NDST4: variants seen among roughly 807,000 people sequenced by gnomAD.
The protein encoded by NDST4 is N-deacetylase and N-sulfotransferase 4, also known as N-heparan sulfate sulfotransferase 4.
A neutral mutation model predicts 100.8 loss-of-function variants in NDST4; 63 were observed. The ratio of observed to expected loss-of-function variants is 0.62; its 90% CI spans 0.51 to 0.77. The LOEUF is 0.77. NDST4 is among the 30% of genes least tolerant of loss of function. NDST4 has a pLI of 0.00. For missense variants in NDST4, 943 were observed against 1,018.4 expected (o/e 0.93, Z 1.01); for synonymous variants, 377 against 361.8 (o/e 1.04, Z -0.48).
intron 1 of NDST4, among the ~76,000 whole-genome samples, chr4:115,104,534 T>C (rs1729799021): frequency 1.3e-5 from 2 of 152,150 alleles, no homozygotes; most frequent in South Asian, 4.1e-4. Flanking sequence ...AAATTCCATG[T>C]TTCTGCTTAC....
At chr4:115,057,040 G>A (rs910842572) in intron 2 of NDST4, among the ~76,000 whole-genome samples, 1 of 151,904 alleles carries the variant, frequency 6.6e-6, no homozygotes, top group Middle Eastern at 3.4e-3. Flanking sequence ...ATACATGCTC[G>A]TGCACTGTAG....
intron 6 of NDST4, among the ~76,000 whole-genome samples, chr4:114,910,092 A>G (rs1337973352): frequency 6.6e-6 from 1 of 152,198 alleles, no homozygotes; most frequent in Non-Finnish European, 1.5e-5. Context: ...TGAGCTGGAA[A>G]AAAGATACTA....
chr4:114,996,836 T>C (rs549523179), intron 2 of NDST4, among the ~76,000 whole-genome samples: 1 of 152,240 alleles, frequency 6.6e-6, no homozygotes, highest in East Asian at 1.9e-4. Flanking sequence ...TGATTCTAGA[T>C]AATTTCTTTT....
chr4:114,929,611 C>T (rs190998975), intron 6 of NDST4, among the ~76,000 whole-genome samples: 34 of 152,198 alleles, frequency 2.2e-4, no homozygotes, highest in African/African-American at 7.9e-4. Context: ...CTTTCACTAT[C>T]CTATTCTGCC....
At chr4:114,831,207 G>C (rs57708177) in intron 12 of NDST4, among the ~76,000 whole-genome samples, 33,074 of 136,428 alleles carry the variant, frequency 0.24, 6,075 homozygotes, top group African/African-American at 0.52. Context: ...CGCCCGCCAC[G>C]GCGCCCGGCT....
At chr4:114,973,916 T>C (rs1413784784) in intron 3 of NDST4, among the ~76,000 whole-genome samples, 2 of 151,864 alleles carry the variant, frequency 1.3e-5, no homozygotes, top group African/African-American at 4.8e-5. Flanking sequence ...CTTTTTAATA[T>C]TATACTAAAT....
chr4:115,006,706 A>G (rs1236060234), intron 2 of NDST4, among the ~76,000 whole-genome samples: 1 of 152,116 alleles, frequency 6.6e-6, no homozygotes, highest in Non-Finnish European at 1.5e-5. Context: ...AGTGGTATAT[A>G]TAAATTGTAC....
At chr4:115,079,651 G>T (rs971432314) in intron 1 of NDST4, among the ~76,000 whole-genome samples, 3 of 152,118 alleles carry the variant, frequency 2.0e-5, no homozygotes, top group East Asian at 3.9e-4. Flanking sequence ...ACATCAGAGA[G>T]AATTAAACTA....
chr4:114,996,103 C>T (rs776341778), intron 2 of NDST4, among the ~76,000 whole-genome samples: 3 of 152,172 alleles, frequency 2.0e-5, no homozygotes, highest in East Asian at 3.9e-4. Context: ...TCTGTATCCC[C>T]ACTCAAATCT....
intron 2 of NDST4, among the ~76,000 whole-genome samples, chr4:114,983,500 T>A (rs1187261673): frequency 6.6e-6 from 1 of 152,192 alleles, no homozygotes; most frequent in Admixed American, 6.5e-5. Context: ...TAGCCCCTTT[T>A]TTTTGGCCAA....
intron 1 of NDST4, among the ~76,000 whole-genome samples, chr4:115,113,201 CT>C (rs772517009): frequency 7.8e-4 from 118 of 151,170 alleles, no homozygotes; most frequent in African/African-American, 2.7e-3. Context: ...AGTTGTATCT[CT>C]TTTTTTTTAT....
At chr4:115,045,969 C>T (rs1330589863) in intron 2 of NDST4, among the ~76,000 whole-genome samples, 3 of 152,152 alleles carry the variant, frequency 2.0e-5, no homozygotes, top group Admixed American at 6.5e-5. Flanking sequence ...TCATATTTAC[C>T]GGAAGGTACG....
At chr4:115,054,063 C>A (rs1049065500) in intron 2 of NDST4, among the ~76,000 whole-genome samples, 7 of 151,396 alleles carry the variant, frequency 4.6e-5, no homozygotes, top group Non-Finnish European at 8.8e-5. Flanking sequence ...TGATGTCCTT[C>A]GAAGGAAGAA....
intron 4 of NDST4, among the ~76,000 whole-genome samples, chr4:114,952,828 A>G (rs1726046944): frequency 6.6e-6 from 1 of 152,100 alleles, no homozygotes; most frequent in South Asian, 2.1e-4. Flanking sequence ...TCATTATGCC[A>G]TTTACACACC....
chr4:114,864,100 C>G (rs1479854600), intron 7 of NDST4, among the ~76,000 whole-genome samples: 1 of 152,036 alleles, frequency 6.6e-6, no homozygotes, highest in Admixed American at 6.6e-5. Flanking sequence ...TTTTGCTTTG[C>G]TCACTATTCT....
chr4:114,980,754 G>A (rs1398583810), intron 2 of NDST4, among the ~76,000 whole-genome samples: 1 of 151,898 alleles, frequency 6.6e-6, no homozygotes, highest in Non-Finnish European at 1.5e-5. Context: ...AATATAAATG[G>A]TTTTGAAATT....
intron 6 of NDST4, among the ~76,000 whole-genome samples, chr4:114,934,567 T>TAAAATAAAAATAAAA (rs1262344084): frequency 1.4e-5 from 2 of 142,724 alleles, no homozygotes; most frequent in South Asian, 4.4e-4. Context: ...AAAAAAAAAA[T>TAAAATAAAAATAAAA]AAAATAAAAA....
At position 114,854,213 on chromosome 4, in the gene NDST4, T is replaced by A. The variant is rs539339653; in HGVS notation, c.1720-1392A>T. Among the ~76,000 whole-genome samples the A allele has an allele frequency of 2.0e-4, 30 of 152,332 alleles. No individual in the cohort carries two copies. In the South Asian group the frequency reaches 6.0e-3, roughly 31 times the overall value. ...TTAATTTTAAGTTCTCACAAATGCA[T>A]GAGAACATGTGAAGTTTGCCTTTTT... On this transcript the variant is annotated intron_variant, in intron 7 of 13. Coordinates refer to ENST00000264363, the MANE Select transcript of NDST4 (RefSeq NM_022569.3).
At chr4:115,006,513 T>A (rs774451682) in intron 2 of NDST4, among the ~76,000 whole-genome samples, 14 of 152,140 alleles carry the variant, frequency 9.2e-5, no homozygotes, top group Non-Finnish European at 1.8e-4. Flanking sequence ...AGATTTAATA[T>A]AGGAGAGAAG....
Sources: allele counts gnomAD v4.1 joint callset (sites outside exome capture counted in the v4.1 genomes callset), GRCh38; gene constraint gnomAD v4.1.1; transcripts MANE v1.5; gene names NCBI Gene and HGNC (gene_info 2026-07-23, HGNC 2026-07-21).